MBP: variants seen among roughly 807,000 people sequenced by gnomAD.
MBP encodes myelin basic protein.
In MBP, 16 loss-of-function variants were observed where a neutral mutation model predicts 35.8. The ratio of observed to expected loss-of-function variants is 0.45; its 90% confidence interval spans 0.30 to 0.68. MBP has a LOEUF of 0.68. Among genes scored for constraint, MBP ranks in the 30% least tolerant of loss-of-function variants. MBP has a pLI of 0.08. For missense variants in MBP, 380 were observed against 404.7 expected (o/e 0.94, Z 0.52); for synonymous variants, 143 against 159.6 (o/e 0.90, Z 0.78).
At chr18:77,037,343 G>A (rs1393636574) in intron 3 of MBP, among the ~76,000 whole-genome samples, 2 of 152,154 alleles carry the variant, frequency 1.3e-5, no homozygotes, top group African/African-American at 4.8e-5. Context: ...AGACAGAGCT[G>A]AGCAAGTGCT....
rs1969097528 is a variant in MBP, at chr18:76,980,162, T to G, written c.*265A>C. On this transcript the variant is annotated 3_prime_UTR_variant, in exon 9 of 9. Coordinates refer to ENST00000355994, the MANE Select transcript of MBP (RefSeq NM_001025101.2). The stretch of plus-strand genomic sequence containing the variant: ...CTGGCCCCCTGAAGACCCACGTGCG[T>G]CTGGGGGCACATTGCGGGGGAAGGA... The G allele has an allele frequency of 1.6e-6, 1 of 642,888 alleles. No individual in the cohort carries two copies. The highest frequency in any genetic ancestry group is 2.8e-6 in the Non-Finnish European group (1 of 358,570). 39.8% of individuals were successfully genotyped at this position (642,888 alleles called of 1,614,324 possible). A position where few individuals can be genotyped will look rare whatever the true frequency, so the allele number is the denominator to read the frequency against.
chr18:77,047,085 C>T (rs973833090), intron 3 of MBP, among the ~76,000 whole-genome samples: 1 of 152,206 alleles, frequency 6.6e-6, no homozygotes, highest in Non-Finnish European at 1.5e-5. Context: ...TCTAAATGAA[C>T]AAACCTTGGA....
At chr18:77,083,064 C>A (rs1674715) in intron 2 of MBP, among the ~76,000 whole-genome samples, 1 of 151,708 alleles carries the variant, frequency 6.6e-6, no homozygotes, top group Non-Finnish European at 1.5e-5. Flanking sequence ...AACTCCACCT[C>A]CTGGATTTGA....
At chr18:76,985,830 C>T in intron 7 of MBP, 10 of 988,614 alleles carry the variant, frequency 1.0e-5, no homozygotes, top group Non-Finnish European at 1.2e-5. Context: ...TGGAGGCTGC[C>T]AGCTCTGGGC....
chr18:77,028,885 C>T (rs1280681822), intron 3 of MBP, among the ~76,000 whole-genome samples: 4 of 108,264 alleles, frequency 3.7e-5, no homozygotes, highest in African/African-American at 1.2e-4. Context: ...CTCCTCACTT[C>T]CCAGATGGGA....
chr18:77,011,160 G>T (rs1346834848), intron 4 of MBP, among the ~76,000 whole-genome samples: 1 of 152,190 alleles, frequency 6.6e-6, no homozygotes, highest in Non-Finnish European at 1.5e-5. Context: ...CTCCCTGCAT[G>T]AGAGAGGCTA....
In MBP at chr18:76,988,386, A is replaced by G; in HGVS notation, c.750+109T>C. On this transcript the variant is annotated intron_variant, in intron 7 of 8. Coordinates refer to ENST00000355994, the MANE Select transcript of MBP (RefSeq NM_001025101.2). This position sits in a 1 kb window ranked among gnomAD's most constrained non-coding sequence, Gnocchi z 5.2. ...CTGTGGGCAGAGAGGTCTCGAGAGG[A>G]GAGAAAAGGAGGCCAGGAAGCAACC... The G allele has an allele frequency of 6.2e-7, 1 of 1,613,738 alleles. No homozygotes were observed. Among genetic ancestry groups the G allele is most frequent in the Non-Finnish European group, 8.5e-7 (1 of 1,179,784 alleles).
At chr18:76,990,114 G>T (rs1599479205) in intron 4 of MBP, 54 bp from the exon 5 acceptor site, 3 of 1,190,246 alleles carry the variant, frequency 2.5e-6, no homozygotes, top group Non-Finnish European at 3.6e-6. Context: ...CCTGCGGCTT[G>T]TCCTCCTCAG....
At chr18:76,980,721 C>T in intron 8 of MBP, 1 of 528,448 alleles carries the variant, frequency 1.9e-6, no homozygotes, top group South Asian at 2.2e-5. Context: ...GGAGTGGTGC[C>T]TGGCATAACC....
chr18:77,035,384 T>A (rs776309516), intron 3 of MBP, among the ~76,000 whole-genome samples: 13 of 152,254 alleles, frequency 8.5e-5, no homozygotes, highest in Non-Finnish European at 1.3e-4. Context: ...CACTAAATAT[T>A]TCTGAGTAAA....
chr18:76,986,256 CCT>C, intron 7 of MBP: 1 of 985,512 alleles, frequency 1.0e-6, no homozygotes, highest in Non-Finnish European at 1.2e-6. Flanking sequence ...GTCCTTGAGC[CCT>C]CTCCTGAAGA....
intron 2 of MBP, among the ~76,000 whole-genome samples, chr18:77,084,186 T>G (rs1305312181): frequency 6.6e-6 from 1 of 152,100 alleles, no homozygotes; most frequent in Non-Finnish European, 1.5e-5. Flanking sequence ...AGCCACACTC[T>G]TTGTGAGATC....
intron 3 of MBP, among the ~76,000 whole-genome samples, chr18:77,045,924 C>T (rs1973233117): frequency 6.6e-6 from 1 of 152,130 alleles, no homozygotes; most frequent in South Asian, 2.1e-4. Flanking sequence ...GGCACTAATG[C>T]AGGTTTTAGA....
intron 1 of MBP, among the ~76,000 whole-genome samples, chr18:77,132,024 G>T (rs529381074): frequency 6.6e-6 from 1 of 152,130 alleles, no homozygotes; most frequent in Non-Finnish European, 1.5e-5. Context: ...GATCGCGCGC[G>T]GGGCCCCCGG....
rs546073354 is a variant in MBP, at chr18:76,984,788, T to C, written c.857A>G (p.Lys286Arg). 1.6e-5 allele frequency: 26 copies of C among 1,614,048 alleles called. No homozygotes were observed. In the South Asian group the frequency reaches 2.0e-4, roughly 12 times the overall value. The change falls in exon 8 of 9, where the codon AAA becomes AGA. Residue 286 changes from lysine (K) to arginine (R), a missense_variant. Coordinates refer to ENST00000355994, the MANE Select transcript of MBP (RefSeq NM_001025101.2). ...AGGGTACCTTACCAGCTTAAAAATT[T>C]TGGAAAGCGTGCCCTGGGCATCGAC... ...KGVDAQGTLS[K>R]IFKLGGRDSR...
intron 4 of MBP, among the ~76,000 whole-genome samples, chr18:77,007,942 G>A (rs963751315): frequency 6.6e-6 from 1 of 152,176 alleles, no homozygotes; most frequent in African/African-American, 2.4e-5. Flanking sequence ...TTTTAGAAGA[G>A]GAATGAAGCA....
At chr18:77,052,461 C>G (rs143749994) in intron 3 of MBP, among the ~76,000 whole-genome samples, 70 of 152,284 alleles carry the variant, frequency 4.6e-4, no homozygotes, top group African/African-American at 1.6e-3. Flanking sequence ...GCTATTTGTG[C>G]CATTGTAAGG....
At chr18:77,035,205 T>C (rs1251959895) in intron 3 of MBP, among the ~76,000 whole-genome samples, 1 of 152,214 alleles carries the variant, frequency 6.6e-6, no homozygotes, top group Non-Finnish European at 1.5e-5. Flanking sequence ...GTACTCATAC[T>C]CATTCTAAGC....
intron 3 of MBP, among the ~76,000 whole-genome samples, chr18:77,063,133 A>C (rs1974050245): frequency 1.3e-5 from 2 of 152,204 alleles, no homozygotes. Flanking sequence ...CACTTTATAC[A>C]TTACAATTTT....
Sources: gnomAD v4.1 joint callset for allele counts (sites outside exome capture counted in the v4.1 genomes callset) on GRCh38, gnomAD v4.1.1 for gene constraint, Gnocchi (gnomAD v3.1) non-coding constraint, MANE v1.5 for transcripts, NCBI Gene and HGNC (gene_info 2026-07-23, HGNC 2026-07-21) for gene names.